Variants in KAZN observed in about 807,000 individuals in gnomAD.
The protein encoded by KAZN is kazrin.
Under a neutral mutation model 87.4 loss-of-function variants are expected in KAZN, and 40 were observed. The observed-to-expected ratio is 0.46, with a 90% CI of 0.36 to 0.60. The LOEUF (loss-of-function observed/expected upper bound fraction) is 0.60. Ranked by LOEUF, KAZN falls within the 20% of genes least tolerant of loss-of-function variation. The pLI, the probability that KAZN is intolerant of heterozygous loss-of-function variation, is 0.00. For missense variants in KAZN, 898 were observed against 1,073.9 expected, an observed-to-expected ratio of 0.84 and a Z score of 2.29; for synonymous variants, 466 against 458.3, an observed-to-expected ratio of 1.02 and a Z score of -0.22.
chr1:14,749,098 A>T (rs1644339872), intron 1 of KAZN, among the ~76,000 whole-genome samples: 2 of 152,180 alleles, frequency 1.3e-5, no homozygotes, highest in Non-Finnish European at 2.9e-5. Flanking sequence ...TAAAGACCCT[A>T]TCAAGGGTGA....
intron 1 of KAZN, among the ~76,000 whole-genome samples, chr1:13,938,672 T>TC (rs1281848484): frequency 6.6e-6 from 1 of 152,158 alleles, no homozygotes; most frequent in Admixed American, 6.5e-5. Flanking sequence ...TCACACAGAA[T>TC]CCCCACTGGG....
At chr1:15,017,167 T>A (rs1421970876) in intron 2 of KAZN, among the ~76,000 whole-genome samples, 1 of 151,724 alleles carries the variant, frequency 6.6e-6, no homozygotes, top group Non-Finnish European at 1.5e-5. Flanking sequence ...GCTTGGTGGC[T>A]CGCACCTGTA....
intron 1 of KAZN, among the ~76,000 whole-genome samples, chr1:14,126,534 G>A (rs907572981): frequency 6.6e-6 from 1 of 151,972 alleles, no homozygotes; most frequent in Non-Finnish European, 1.5e-5. Flanking sequence ...TGTACAGAGT[G>A]GTGCATTTTA....
At chr1:14,409,870 T>G (rs1461327384) in intron 2 of KAZN, among the ~76,000 whole-genome samples, 2 of 152,102 alleles carry the variant, frequency 1.3e-5, no homozygotes, top group Non-Finnish European at 2.9e-5. Context: ...AAACAGAATA[T>G]AACAGATACT....
At chr1:14,035,329 CAG>C (rs1641506858) in intron 1 of KAZN, among the ~76,000 whole-genome samples, 1 of 152,102 alleles carries the variant, frequency 6.6e-6, no homozygotes, top group South Asian at 2.1e-4. Flanking sequence ...CAGGAAATAA[CAG>C]TGTTCCTAGA....
chr1:14,680,636 C>T (rs1047269225), intron 1 of KAZN, among the ~76,000 whole-genome samples: 6 of 151,998 alleles, frequency 3.9e-5, no homozygotes, highest in African/African-American at 7.3e-5. Context: ...CAACAGGCCC[C>T]GGTGTGTGAT....
At chr1:14,385,313 T>C (rs1158568908) in intron 2 of KAZN, among the ~76,000 whole-genome samples, 1 of 152,230 alleles carries the variant, frequency 6.6e-6, no homozygotes, top group African/African-American at 2.4e-5. Flanking sequence ...TCTATTTCCT[T>C]CAGTTCTGCT....
chr1:14,087,355 T>C (rs1014956698), intron 1 of KAZN, among the ~76,000 whole-genome samples: 1 of 152,190 alleles, frequency 6.6e-6, no homozygotes, highest in African/African-American at 2.4e-5. Flanking sequence ...TATAACTGTT[T>C]TGTAGATTCT....
intron 1 of KAZN, among the ~76,000 whole-genome samples, chr1:14,065,409 T>G (rs1049756838): frequency 6.6e-6 from 1 of 152,186 alleles, no homozygotes; most frequent in Non-Finnish European, 1.5e-5. Flanking sequence ...TAAAAGAGGC[T>G]AATGCATTTT....
At chr1:14,510,559 ATGC>A (rs1489717429) in intron 2 of KAZN, among the ~76,000 whole-genome samples, 4 of 152,208 alleles carry the variant, frequency 2.6e-5, no homozygotes, top group African/African-American at 9.7e-5. Context: ...AAATCTGGCA[ATGC>A]TATATAGTGA....
chr1:14,924,028 G>T, intron 1 of KAZN: 1 of 790,504 alleles, frequency 1.3e-6, no homozygotes, highest in South Asian at 5.9e-5. Context: ...GGGCACTGGG[G>T]CCAGTCTGGG....
intron 2 of KAZN, among the ~76,000 whole-genome samples, chr1:14,459,142 C>T (rs889160948): frequency 3.9e-5 from 6 of 152,128 alleles, no homozygotes; most frequent in African/African-American, 1.4e-4. Flanking sequence ...AACACGCAGG[C>T]TTCCTGTGCT....
intron 2 of KAZN, among the ~76,000 whole-genome samples, chr1:14,962,539 T>G (rs554405772): frequency 6.6e-6 from 1 of 152,142 alleles, no homozygotes; most frequent in Admixed American, 6.5e-5. Flanking sequence ...TCCTGTAATA[T>G]CCATTCTCCT....
chr1:15,098,034 C>T (rs1640875248), intron 10 of KAZN, among the ~76,000 whole-genome samples: 1 of 152,174 alleles, frequency 6.6e-6, no homozygotes, highest in South Asian at 2.1e-4. Context: ...CTCTTTTAGT[C>T]CCTACAACTC....
chr1:14,741,472 G>A (rs191044871), intron 1 of KAZN, among the ~76,000 whole-genome samples: 8 of 152,278 alleles, frequency 5.3e-5, no homozygotes, highest in African/African-American at 1.7e-4. Flanking sequence ...CTCTTCTCTT[G>A]GGCCTCCTGG....
intron 2 of KAZN, among the ~76,000 whole-genome samples, chr1:14,573,504 G>T (rs968946108): frequency 1.3e-5 from 2 of 152,024 alleles, no homozygotes; most frequent in African/African-American, 4.8e-5. Context: ...AAAATTAGCC[G>T]GGGATGGTGG....
rs533441385 is a variant in KAZN, at chr1:14,564,470, C to A, written c.250-34513C>A. 2.0e-5 allele frequency among the ~76,000 whole-genome samples: 3 copies of A among 152,122 alleles called. No homozygotes were observed. In the South Asian group the frequency reaches 6.2e-4, roughly 32 times the overall value. ...CTTGAATATGGGATGATAATAGAAG[C>A]TACCCTGTGGGCTTGCTGTATGAAC... On this transcript the variant is annotated intron_variant, in intron 2 of 16. Coordinates refer to the KAZN transcript ENST00000636203.
At chr1:14,811,309 A>C (rs1319417736) in intron 1 of KAZN, among the ~76,000 whole-genome samples, 1 of 152,244 alleles carries the variant, frequency 6.6e-6, no homozygotes, top group Non-Finnish European at 1.5e-5. Flanking sequence ...ACTATAAATC[A>C]AGCCCCAAAT....
In KAZN at chr1:14,447,136, C is replaced by G. The variant is rs192601854; in HGVS notation, c.250-151847C>G. 8.6e-5 allele frequency among the ~76,000 whole-genome samples: 13 copies of G among 151,680 alleles called. No individual in the cohort carries two copies. The East Asian group carries it at 2.1e-3, about 25-fold the overall frequency. On this transcript the variant is annotated intron_variant, in intron 2 of 16. Coordinates refer to the KAZN transcript ENST00000636203. The stretch of plus-strand genomic sequence containing the variant: ...ATGTGTGCTTTATATTTAGCTAAAG[C>G]CAGAGCCTCTGGTATCCTAGTGGGA...
Sources: gnomAD v4.1 joint callset for allele counts (sites outside exome capture counted in the v4.1 genomes callset) on GRCh38, gnomAD v4.1.1 for gene constraint, MANE v1.5 for transcripts, NCBI Gene and HGNC (gene_info 2026-07-23, HGNC 2026-07-21) for gene names.